HP1BP3: variants seen among roughly 807,000 people sequenced by gnomAD.
HP1BP3 encodes heterochromatin protein 1 binding protein 3, also known as heterochromatin protein 1-binding protein 3.
HP1BP3 carries 12 observed loss-of-function variants against 62.5 expected under a neutral mutation model. The ratio of observed to expected loss-of-function variants is 0.19; its 90% CI spans 0.12 to 0.31. The LOEUF (loss-of-function observed/expected upper bound fraction) is 0.31, where lower values mean the gene tolerates loss of function less well. Among genes scored for constraint, HP1BP3 ranks in the 10% least tolerant of loss-of-function variants. The pLI is 1.00. For synonymous variants in HP1BP3, 260 were observed against 237.8 expected (o/e 1.09, Z -0.86); for missense variants, 502 against 651.8 (o/e 0.77, Z 2.50).
intron 11 of HP1BP3, among the ~76,000 whole-genome samples, chr1:20,746,084 A>G (rs667687): frequency 0.64 from 97,596 of 151,964 alleles, 31,766 homozygotes; most frequent in East Asian, 0.89. Context: ...CAAAGCTTCA[A>G]AGGTATTCGG....
intron 6 of HP1BP3, 78 bp from the exon 7 acceptor site, chr1:20,767,742 C>A: frequency 2.9e-5 from 24 of 836,190 alleles, no homozygotes; most frequent in East Asian, 7.8e-5. Flanking sequence ...CATGGTAATG[C>A]AAGAGCTAAT....
intron 10 of HP1BP3, among the ~76,000 whole-genome samples, chr1:20,749,078 A>G (rs1018693678): frequency 1.3e-5 from 2 of 152,224 alleles, no homozygotes; most frequent in Admixed American, 6.5e-5. Flanking sequence ...AAGTAAAATT[A>G]GATGTTTTTG....
In HP1BP3 at chr1:20,767,680, T is replaced by A; in HGVS notation, c.655-16A>T. Reference sequence around the variant, plus strand: ...TTCCTTTAACCTAAAGTAAATTAATTTTTGTTATTCTAGTATTCATAACTT... The same window carrying A: ...TTCCTTTAACCTAAAGTAAATTAATATTTGTTATTCTAGTATTCATAACTT... On this transcript the variant is annotated splice_polypyrimidine_tract_variant and intron_variant, in intron 6 of 12. Coordinates refer to ENST00000438032, the MANE Select transcript of HP1BP3 (RefSeq NM_001372052.1). 1 of 1,547,830 alleles carries A rather than the reference T, an allele frequency of 6.5e-7. No individual in the cohort carries two copies. The highest frequency in any genetic ancestry group is 8.9e-7 in the Non-Finnish European group (1 of 1,128,910).
chr1:20,778,369 T>G (rs1343084437), intron 3 of HP1BP3, among the ~76,000 whole-genome samples: 1 of 152,250 alleles, frequency 6.6e-6, no homozygotes, highest in Non-Finnish European at 1.5e-5. Context: ...CAAAATGGGA[T>G]AGAGAGAAGA....
Position 20,752,177 on chromosome 1 carries a change from G to A in HP1BP3, c.982-2295C>T, listed in dbSNP as rs1047656957. Reference sequence around the variant, plus strand: ...TGGGCAAGGCTGGGGCAGGAGAATCGCTTGAACCCGGGAGGTGGAGGTTGC... The same window carrying A: ...TGGGCAAGGCTGGGGCAGGAGAATCACTTGAACCCGGGAGGTGGAGGTTGC... On this transcript the variant is annotated intron_variant, in intron 9 of 12. Coordinates refer to ENST00000438032, the MANE Select transcript of HP1BP3 (RefSeq NM_001372052.1). Among the ~76,000 whole-genome samples, 14 of 151,882 alleles carry A rather than the reference G, an allele frequency of 9.2e-5. No individual in the cohort carries two copies. In the East Asian group the frequency reaches 2.0e-3, roughly 21 times the overall value.
At chr1:20,758,069 C>T (rs2056231500) in intron 8 of HP1BP3, among the ~76,000 whole-genome samples, 1 of 152,066 alleles carries the variant, frequency 6.6e-6, no homozygotes, top group African/African-American at 2.4e-5. Flanking sequence ...TCATTTGAAC[C>T]CGGGAGGCGG....
chr1:20,784,420 T>C (rs2057719169), intron 1 of HP1BP3, among the ~76,000 whole-genome samples: 1 of 151,862 alleles, frequency 6.6e-6, no homozygotes, highest in Non-Finnish European at 1.5e-5. Flanking sequence ...GAATAGATGC[T>C]CAATTAATAT....
intron 9 of HP1BP3, among the ~76,000 whole-genome samples, chr1:20,751,431 T>C (rs1488769960): frequency 6.6e-6 from 1 of 151,978 alleles, no homozygotes. Flanking sequence ...TTTTGATAAA[T>C]ATTTAGGGTA....
chr1:20,763,463 G>A (rs2056599335), intron 8 of HP1BP3, among the ~76,000 whole-genome samples: 1 of 152,138 alleles, frequency 6.6e-6, no homozygotes, highest in Non-Finnish European at 1.5e-5. Context: ...CTGATTTTCT[G>A]AAAATGTGGC....
At chr1:20,761,077 C>T (rs961344613) in intron 8 of HP1BP3, among the ~76,000 whole-genome samples, 1 of 152,076 alleles carries the variant, frequency 6.6e-6, no homozygotes, top group Non-Finnish European at 1.5e-5. Flanking sequence ...CGGAGCCTCA[C>T]TCTGTCGCCC....
intron 7 of HP1BP3, among the ~76,000 whole-genome samples, chr1:20,766,162 G>A (rs2056771882): frequency 6.6e-6 from 1 of 152,032 alleles, no homozygotes; most frequent in Non-Finnish European, 1.5e-5. Context: ...ATGGTGGCAT[G>A]CACCTGCAAT....
At chr1:20,784,126 T>C (rs1206496870) in intron 1 of HP1BP3, among the ~76,000 whole-genome samples, 2 of 151,986 alleles carry the variant, frequency 1.3e-5, no homozygotes, top group East Asian at 1.9e-4. Context: ...CGCACCGCCA[T>C]GCCCGGCTAA....
At chr1:20,765,175 T>TAA (rs4057761) in intron 8 of HP1BP3, among the ~76,000 whole-genome samples, 4,345 of 57,076 alleles carry the variant, frequency 0.076, 95 homozygotes, top group Non-Finnish European at 0.1. Context: ...CTCAAAAAAC[T>TAA]AAAAAAAAAA....
At chr1:20,777,037 T>A (rs1428784158) in intron 3 of HP1BP3, among the ~76,000 whole-genome samples, 1 of 152,178 alleles carries the variant, frequency 6.6e-6, no homozygotes, top group African/African-American at 2.4e-5. Flanking sequence ...CTTTGCAATA[T>A]TCATGAGACT....
At chr1:20,770,882 A>C (rs747651349) in intron 6 of HP1BP3, 48 bp downstream of exon 6, 3 of 1,420,108 alleles carry the variant, frequency 2.1e-6, no homozygotes, top group Non-Finnish European at 2.9e-6. Flanking sequence ...TGTAGACTTA[A>C]AGCTAATACA....
chr1:20,753,041 A>G (rs1235871126), intron 9 of HP1BP3, among the ~76,000 whole-genome samples: 1 of 151,846 alleles, frequency 6.6e-6, no homozygotes, highest in South Asian at 2.1e-4. Flanking sequence ...TCCTGGGTTC[A>G]AGGGATTCTC....
At chr1:20,778,776 T>A (rs985976198) in intron 3 of HP1BP3, among the ~76,000 whole-genome samples, 1 of 152,020 alleles carries the variant, frequency 6.6e-6, no homozygotes, top group African/African-American at 2.4e-5. Context: ...GCATGTATTT[T>A]CTACTCCTCT....
chr1:20,765,649 T>C (rs1464573038), intron 7 of HP1BP3, 118 bp from the exon 8 acceptor site: 2 of 781,242 alleles, frequency 2.6e-6, no homozygotes, highest in Admixed American at 3.0e-5. Context: ...ATTTCTTTGA[T>C]ATAAAATTTT....
chr1:20,744,647 C>T lies in HP1BP3; in HGVS notation c.*150G>A, dbSNP rs1270108391. The stretch of plus-strand genomic sequence containing the variant: ...AAAAGCACCTAAAGCTAGCAAATGC[C>T]TAAACTGGTTTATTTAGAGTCCCTC... On this transcript the variant is annotated 3_prime_UTR_variant, in exon 13 of 13. Coordinates refer to ENST00000438032, the MANE Select transcript of HP1BP3 (RefSeq NM_001372052.1). 1 of 717,738 alleles carries T rather than the reference C, an allele frequency of 1.4e-6. No homozygotes were observed. Among genetic ancestry groups the T allele is most frequent in the African/African-American group, 1.8e-5 (1 of 55,874 alleles). The allele number at this position is 717,738 out of a possible 1,614,324, so 44.5% of individuals were successfully genotyped here. A position where few individuals can be genotyped will look rare whatever the true frequency, so the allele number is the denominator to read the frequency against.
Sources: gnomAD v4.1 joint callset for allele counts (sites outside exome capture counted in the v4.1 genomes callset) on GRCh38, gnomAD v4.1.1 for gene constraint, MANE v1.5 for transcripts, NCBI Gene and HGNC (gene_info 2026-07-23, HGNC 2026-07-21) for gene names.